The following AKR1B15 variants were observed in gnomAD, a reference collection of about 807,000 sequenced individuals.
AKR1B15 encodes estradiol 17-beta-dehydrogenase AKR1B15.
Under a neutral mutation model 38.5 loss-of-function variants are expected in AKR1B15, and 49 were observed. That is an observed-to-expected ratio of 1.27 (90% CI 1.01 to 1.62). AKR1B15 has a LOEUF of 1.62. AKR1B15 is among the 40% of genes most tolerant of loss of function. The probability of loss-of-function intolerance (pLI) is 0.00; values close to 1 mark genes in which losing one functional copy is unlikely to be tolerated. For synonymous variants in AKR1B15, 137 were observed against 135.5 expected (o/e 1.01, Z -0.08); for missense variants, 411 against 381.6 (o/e 1.08, Z -0.64).
intron 6 of AKR1B15, among the ~76,000 whole-genome samples, chr7:134,572,565 T>C (rs1200566296): frequency 6.6e-6 from 1 of 151,186 alleles, no homozygotes; most frequent in Non-Finnish European, 1.5e-5. Context: ...GAGGTGGAGG[T>C]TGCATTGAGC....
intron 3 of AKR1B15, among the ~76,000 whole-genome samples, chr7:134,566,910 A>G (rs1794548852): frequency 6.6e-6 from 1 of 152,216 alleles, no homozygotes; most frequent in South Asian, 2.1e-4. Context: ...AAATGGAACA[A>G]ATAATCACTT....
At chr7:134,549,802 GTGTC>G (rs948855710) in intron 1 of AKR1B15, among the ~76,000 whole-genome samples, 1 of 152,160 alleles carries the variant, frequency 6.6e-6, no homozygotes, top group African/African-American at 2.4e-5. Flanking sequence ...GTCCTGTTTA[GTGTC>G]TGTCTAAATT....
intron 7 of AKR1B15, 60 bp from the exon 8 acceptor site, chr7:134,575,761 C>A: frequency 6.2e-7 from 1 of 1,601,752 alleles, no homozygotes; most frequent in Non-Finnish European, 8.5e-7. Context: ...GTAGAACTCC[C>A]TAGGAACAAT....
chr7:134,559,520 T>C (rs1794318604), intron 2 of AKR1B15, among the ~76,000 whole-genome samples: 1 of 152,176 alleles, frequency 6.6e-6, no homozygotes, highest in Non-Finnish European at 1.5e-5. Flanking sequence ...GCCCTCTATA[T>C]TCAAACAGTA....
In AKR1B15 at chr7:134,575,422, C is replaced by A. The variant is rs762052584; in HGVS notation, c.516C>A (p.Ala172=). Residue 172 remains alanine (A), a splice_region_variant and synonymous_variant, in exon 7 of 12, where the codon GCC becomes GCA. Transcript: ENST00000457545. ...GKGTFLDAWE[A]MEELVDEGLV... is the part of the protein sequence containing the mutation. Reference sequence around the variant, plus strand: ...TAAGGTATTCCTTTCTATGATAGGCCATGGAGGAGCTGGTGGACGAGGGGC... The same window carrying A: ...TAAGGTATTCCTTTCTATGATAGGCAATGGAGGAGCTGGTGGACGAGGGGC... The A allele has an allele frequency of 3.7e-6, 6 of 1,613,740 alleles. No individual in the cohort carries two copies. The African/African-American group carries it at 8.0e-5, about 22-fold the overall frequency.
chr7:134,551,029 A>G (rs1793952700), intron 1 of AKR1B15, among the ~76,000 whole-genome samples: 1 of 152,186 alleles, frequency 6.6e-6, no homozygotes, highest in South Asian at 2.1e-4. Context: ...CTCTGTAGCC[A>G]TTCGTGATCC....
chr7:134,563,506 C>T (rs1236329293), intron 2 of AKR1B15, among the ~76,000 whole-genome samples: 1 of 152,152 alleles, frequency 6.6e-6, no homozygotes, highest in Non-Finnish European at 1.5e-5. Flanking sequence ...CAAGATCACA[C>T]CACTGCACTC....
In AKR1B15 at chr7:134,579,691, G is replaced by T; in HGVS notation, c.*142G>T. Reference sequence around the variant, plus strand: ...TGTTGTAGACCAGAATGGAGGTGCTGTTTTAGACATGTATTTCTGTATGTT... The same window carrying T: ...TGTTGTAGACCAGAATGGAGGTGCTTTTTTAGACATGTATTTCTGTATGTT... On this transcript the variant is annotated 3_prime_UTR_variant, in exon 12 of 12. Coordinates refer to ENST00000457545, the MANE Select transcript of AKR1B15 (RefSeq NM_001080538.3). 1 of 645,626 alleles carries T rather than the reference G, an allele frequency of 1.5e-6. No individual in the cohort carries two copies. The highest frequency in any genetic ancestry group is 2.6e-5 in the South Asian group (1 of 39,052). 40.0% of individuals were successfully genotyped at this position (645,626 alleles called of 1,614,324 possible).
At chr7:134,565,079 G>T in intron 3 of AKR1B15, 2 of 301,938 alleles carry the variant, frequency 6.6e-6, no homozygotes, top group Non-Finnish European at 1.2e-5. Context: ...GCAAATAATG[G>T]AATAAAAGCT....
chr7:134,575,347 G>A, intron 6 of AKR1B15, 73 bp from the exon 7 acceptor site: 10 of 1,558,692 alleles, frequency 6.4e-6, no homozygotes, highest in Non-Finnish European at 8.7e-6. Context: ...TTCTGCCCCA[G>A]GGAAGACTAA....
chr7:134,550,944 C>A (rs540843248), intron 1 of AKR1B15, among the ~76,000 whole-genome samples: 2 of 152,118 alleles, frequency 1.3e-5, no homozygotes, highest in South Asian at 4.1e-4. Flanking sequence ...CCGGTCACCC[C>A]GATCAGTTTC....
At position 134,565,437 on chromosome 7, in the gene AKR1B15, G is replaced by C. The variant is rs775782505; in HGVS notation, c.150+668G>C. The C allele has an allele frequency of 3.1e-6, 5 of 1,611,854 alleles. No homozygotes were observed. The Admixed American group carries it at 8.3e-5, about 27-fold the overall frequency. ...GAACCAACTCTGGACACAGCAGGACGTGAGACTTCTACCTGCTCACTCAGA... is the reference window on the plus strand; with the variant it reads ...GAACCAACTCTGGACACAGCAGGACCTGAGACTTCTACCTGCTCACTCAGA... On this transcript the variant is annotated intron_variant, in intron 3 of 11. Transcript: ENST00000457545.
At chr7:134,562,887 T>TTGCTCCC in intron 2 of AKR1B15, among the ~76,000 whole-genome samples, 1 of 120,094 alleles carries the variant, frequency 8.3e-6, no homozygotes, top group South Asian at 2.5e-4. Flanking sequence ...TCTTTCTTTC[T>TTGCTCCC]TTCCTTCTTT....
At chr7:134,571,345 G>A (rs560209728) in intron 5 of AKR1B15, among the ~76,000 whole-genome samples, 1 of 152,322 alleles carries the variant, frequency 6.6e-6, no homozygotes, top group South Asian at 2.1e-4. Context: ...AATGTCCATG[G>A]TGATAATGGT....
At chr7:134,559,936 C>T (rs1237893851) in intron 2 of AKR1B15, among the ~76,000 whole-genome samples, 3 of 152,048 alleles carry the variant, frequency 2.0e-5, no homozygotes, top group East Asian at 1.9e-4. Flanking sequence ...GGTGTAACCT[C>T]GTCTCTAACA....
At chr7:134,568,409 G>A (rs1167050552) in intron 4 of AKR1B15, 84 bp downstream of exon 4, 30 of 1,566,738 alleles carry the variant, frequency 1.9e-5, no homozygotes, top group African/African-American at 8.2e-5. Context: ...GAACTCTGTC[G>A]GCCTTTTCTA....
intron 7 of AKR1B15, 42 bp downstream of exon 7, chr7:134,575,584 A>G (rs779487942): frequency 6.2e-7 from 1 of 1,610,550 alleles, no homozygotes; most frequent in African/African-American, 1.3e-5. Context: ...CTGCCCTATT[A>G]CTTCTTAAAC....
chr7:134,562,464 A>G (rs1308034741), intron 2 of AKR1B15, among the ~76,000 whole-genome samples: 1 of 151,040 alleles, frequency 6.6e-6, no homozygotes, highest in Non-Finnish European at 1.5e-5. Context: ...TCTATTTTAC[A>G]GAGTGCTGAT....
At chr7:134,559,387 A>T (rs1043112514) in intron 2 of AKR1B15, among the ~76,000 whole-genome samples, 2 of 152,186 alleles carry the variant, frequency 1.3e-5, no homozygotes, top group African/African-American at 2.4e-5. Context: ...TGCTTCAAAT[A>T]AATTATGACG....
Sources: gnomAD v4.1 joint callset for allele counts (sites outside exome capture counted in the v4.1 genomes callset) on GRCh38, gnomAD v4.1.1 for gene constraint, MANE v1.5 for transcripts, NCBI Gene and HGNC (gene_info 2026-07-23, HGNC 2026-07-21) for gene names.